The following UTRN variants were observed in gnomAD, a reference collection of about 807,000 sequenced individuals.
The protein encoded by UTRN is utrophin.
Under a neutral mutation model 463.9 loss-of-function variants are expected in UTRN, and 283 were observed. That is an observed-to-expected ratio of 0.61 (90% confidence interval 0.55 to 0.67). UTRN has a LOEUF of 0.67. Among genes scored for constraint, UTRN ranks in the 30% least tolerant of loss-of-function variants. UTRN has a pLI of 0.00. For synonymous variants in UTRN, 1,442 were observed against 1,431.5 expected (o/e 1.01, Z -0.17); for missense variants, 3,922 against 4,084.3 (o/e 0.96, Z 1.08).
At chr6:144,322,276 A>G (rs1280370165) in intron 2 of UTRN, among the ~76,000 whole-genome samples, 1 of 152,044 alleles carries the variant, frequency 6.6e-6, no homozygotes, top group Non-Finnish European at 1.5e-5. Flanking sequence ...TGTTAAATAA[A>G]TATTTTAGTT....
chr6:144,326,931 C>T (rs996933231), intron 2 of UTRN, among the ~76,000 whole-genome samples: 11 of 152,174 alleles, frequency 7.2e-5, no homozygotes, highest in African/African-American at 9.7e-5. Flanking sequence ...ATTCTTTCTG[C>T]GTCTCTAGGC....
In UTRN at chr6:144,781,907, T is replaced by C; in HGVS notation, c.8633-15T>C. 1 of 1,606,566 alleles carries C rather than the reference T, an allele frequency of 6.2e-7. No homozygotes were observed. Among genetic ancestry groups the C allele is most frequent in the Non-Finnish European group, 8.5e-7 (1 of 1,173,900 alleles). ...ATGTAATGACTGTAAACATTCCTTCTTCTCTCCTGGTTAGTGGATCTCTTA... is the reference window on the plus strand; with the variant it reads ...ATGTAATGACTGTAAACATTCCTTCCTCTCTCCTGGTTAGTGGATCTCTTA... On this transcript the variant is annotated splice_polypyrimidine_tract_variant and intron_variant, in intron 60 of 74. Coordinates refer to ENST00000367545, the MANE Select transcript of UTRN (RefSeq NM_007124.3).
intron 6 of UTRN, 149 bp from the exon 7 acceptor site, chr6:144,426,138 A>T: frequency 1.1e-6 from 1 of 950,434 alleles, no homozygotes; most frequent in Non-Finnish European, 1.5e-6. Flanking sequence ...TCTAGTGTCT[A>T]CAGAAAAATC....
At chr6:144,766,182 T>TG (rs1296400371) in intron 58 of UTRN, among the ~76,000 whole-genome samples, 1 of 152,000 alleles carries the variant, frequency 6.6e-6, no homozygotes, top group Non-Finnish European at 1.5e-5. Context: ...ATGTTACTGA[T>TG]GGGGGTACTC....
chr6:144,832,873 G>T (rs1780784875), intron 69 of UTRN, among the ~76,000 whole-genome samples: 1 of 152,104 alleles, frequency 6.6e-6, no homozygotes, highest in African/African-American at 2.4e-5. Context: ...AGGCTGGAGT[G>T]CAGTGGCACA....
chr6:144,804,773 G>C lies in UTRN; in HGVS notation c.9357+1626G>C, dbSNP rs114707942. 1.9e-3 allele frequency among the ~76,000 whole-genome samples: 283 copies of C among 152,232 alleles called. 1 individual carries two copies. Among genetic ancestry groups the C allele is most frequent in the African/African-American group, 6.5e-3 (269 of 41,546 alleles). Reference sequence around the variant, plus strand: ...AAATGGTTTTCAGATCCTTGAGAAAGACACTCCTGAGTTGTTGGAGATACA... The same window carrying C: ...AAATGGTTTTCAGATCCTTGAGAAACACACTCCTGAGTTGTTGGAGATACA... On this transcript the variant is annotated intron_variant, in intron 65 of 74. Coordinates refer to ENST00000367545, the MANE Select transcript of UTRN (RefSeq NM_007124.3).
chr6:144,559,844 T>C (rs917606695), intron 50 of UTRN, among the ~76,000 whole-genome samples: 2 of 152,160 alleles, frequency 1.3e-5, no homozygotes, highest in African/African-American at 4.8e-5. Context: ...CATGGTCTAA[T>C]CTAATATTCT....
At chr6:144,705,392 G>C (rs1205325436) in intron 53 of UTRN, among the ~76,000 whole-genome samples, 3 of 152,084 alleles carry the variant, frequency 2.0e-5, no homozygotes, top group African/African-American at 7.2e-5. Context: ...CTATAAACTG[G>C]GTGGCTTATA....
At chr6:144,394,103 G>T (rs538515205) in intron 2 of UTRN, among the ~76,000 whole-genome samples, 1 of 152,234 alleles carries the variant, frequency 6.6e-6, no homozygotes, top group East Asian at 1.9e-4. Flanking sequence ...ATTATTGCTG[G>T]TCCATTTTAT....
chr6:144,663,354 A>G (rs972668213), intron 51 of UTRN, among the ~76,000 whole-genome samples: 1 of 148,248 alleles, frequency 6.7e-6, no homozygotes, highest in African/African-American at 2.4e-5. Context: ...GTCCACCAAC[A>G]CACCTCTCTG....
At chr6:144,674,969 G>T (rs754337052) in intron 51 of UTRN, among the ~76,000 whole-genome samples, 6 of 152,190 alleles carry the variant, frequency 3.9e-5, no homozygotes, top group Non-Finnish European at 8.8e-5. Flanking sequence ...TTTCTTGTTG[G>T]TTTGGATTGG....
intron 51 of UTRN, among the ~76,000 whole-genome samples, chr6:144,677,096 G>A (rs762018603): frequency 9.9e-5 from 15 of 151,966 alleles, no homozygotes; most frequent in Non-Finnish European, 1.6e-4. Context: ...TCAGTGTATT[G>A]AACACCTTTT....
rs1323922390 is a variant in UTRN at position 144,462,698 on chromosome 6, A to C, written c.2898A>C (p.Lys966Asn). The C allele has an allele frequency of 6.2e-7, 1 of 1,607,200 alleles. No homozygotes were observed. Among genetic ancestry groups the C allele is most frequent in the East Asian group, 2.2e-5 (1 of 44,816 alleles). The change falls in exon 23 of 75, where the codon AAA (lysine) becomes AAC (asparagine). Residue 966 changes from lysine to asparagine, a missense_variant. Physicochemically the swap from Lys to Asn is moderately conservative, Grantham distance 94. Coordinates refer to ENST00000367545, the MANE Select transcript of UTRN (RefSeq NM_007124.3). Reference sequence around the variant, plus strand: ...AGAATCAGAAACCTGCATTACATAAACTTGCAGAAGAAACAAAGGCTCTGG... The same window carrying C: ...AGAATCAGAAACCTGCATTACATAACCTTGCAGAAGAAACAAAGGCTCTGG... ...ILENQKPALH[K>N]LAEETKALEK...
At chr6:144,836,585 G>C in intron 71 of UTRN, 44 bp downstream of exon 71, 1 of 1,606,160 alleles carries the variant, frequency 6.2e-7, no homozygotes, top group South Asian at 1.1e-5. Flanking sequence ...CAGGCCATCT[G>C]TCCACTGCCC....
intron 51 of UTRN, among the ~76,000 whole-genome samples, chr6:144,635,840 AG>A (rs1280073899): frequency 1.3e-5 from 2 of 152,006 alleles, no homozygotes; most frequent in African/African-American, 4.8e-5. Flanking sequence ...TGCCCAGCCT[AG>A]GCCCCCCTGC....
intron 30 of UTRN, among the ~76,000 whole-genome samples, chr6:144,489,452 A>C (rs1241281774): frequency 1.7e-4 from 26 of 151,936 alleles, no homozygotes; most frequent in Non-Finnish European, 4.4e-5. Flanking sequence ...CCTGGCTGAA[A>C]AGTCCTGTAT....
chr6:144,287,178 G>T (rs1803766638), intron 1 of UTRN, among the ~76,000 whole-genome samples: 1 of 152,238 alleles, frequency 6.6e-6, no homozygotes, highest in Non-Finnish European at 1.5e-5. Flanking sequence ...GTGGAGGAAT[G>T]CGAAGCTTGT....
chr6:144,771,709 G>T (rs1163842579), intron 58 of UTRN, among the ~76,000 whole-genome samples, 198 bp from the exon 59 acceptor site: 1 of 152,044 alleles, frequency 6.6e-6, no homozygotes, highest in Non-Finnish European at 1.5e-5. Context: ...TACAGGAAGA[G>T]CCACTGCCCC....
Position 144,782,040 on chromosome 6 carries a change from A to T in UTRN, c.8751A>T (p.Gly2917=). The T allele has an allele frequency of 6.2e-7, 1 of 1,614,072 alleles. No individual in the cohort carries two copies. Among genetic ancestry groups the T allele is most frequent in the Non-Finnish European group, 8.5e-7 (1 of 1,179,976 alleles). Residue 2917 remains glycine, a synonymous_variant, in exon 61 of 75, where the codon GGA becomes GGT. Transcript: ENST00000367545. Reference sequence around the variant, plus strand: ...ACTGTCTGACAACAACTTATGATGGACTTGAGCAAATGCATAAGGACCTGG... The same window carrying T: ...ACTGTCTGACAACAACTTATGATGGTCTTGAGCAAATGCATAAGGACCTGG... The part of the protein sequence containing the change: ...VINCLTTTYD[G]LEQMHKDLVN...
Sources: gnomAD v4.1 joint callset for allele counts (sites outside exome capture counted in the v4.1 genomes callset) on GRCh38, gnomAD v4.1.1 for gene constraint, MANE v1.5 for transcripts, NCBI Gene and HGNC (gene_info 2026-07-23, HGNC 2026-07-21) for gene names.